KCNH5: variants seen among roughly 807,000 people sequenced by gnomAD.
KCNH5 encodes the protein voltage-gated delayed rectifier potassium channel KCNH5.
KCNH5 carries 46 observed loss-of-function variants against 96.1 expected under a neutral mutation model. That is an observed-to-expected ratio of 0.48 (90% CI 0.38 to 0.61). The LOEUF is 0.61. Among genes scored for constraint, KCNH5 ranks in the 20% least tolerant of loss-of-function variants. The probability of loss-of-function intolerance (pLI) is 0.00; values close to 1 mark genes in which losing one functional copy is unlikely to be tolerated. For synonymous variants in KCNH5, 439 were observed against 449.8 expected (o/e 0.98, Z 0.30); for missense variants, 907 against 1,225.8 (o/e 0.74, Z 3.88).
Position 62,794,494 on chromosome 14 carries a change from G to A in KCNH5, c.1822+7835C>T, listed in dbSNP as rs182086008. Among the ~76,000 whole-genome samples the A allele has an allele frequency of 2.1e-3, 319 of 151,810 alleles. 2 individuals are homozygous for A. Among genetic ancestry groups the A allele is most frequent in the Non-Finnish European group, 3.2e-3 (216 of 67,878 alleles). ...TTACTTACTAGCTGTGACCCAGGGA[G>A]AACCACTTGATATTACAGAGTTTCA... On this transcript the variant is annotated intron_variant, in intron 9 of 10. Transcript: ENST00000322893.
chr14:62,811,651 T>C (rs1397078959), intron 8 of KCNH5, among the ~76,000 whole-genome samples: 2 of 152,140 alleles, frequency 1.3e-5, no homozygotes, highest in Non-Finnish European at 2.9e-5. Context: ...TAACCAGAAA[T>C]AGTAACACAG....
At chr14:62,773,615 TATAGAAACAGCAA>T (rs1886035979) in intron 10 of KCNH5, among the ~76,000 whole-genome samples, 1 of 152,210 alleles carries the variant, frequency 6.6e-6, no homozygotes, top group Non-Finnish European at 1.5e-5. Context: ...TGAGAAGACG[TATAGAAACAGCAA>T]ATAAAATTCC....
chr14:62,926,669 G>A (rs1348643394), intron 7 of KCNH5, among the ~76,000 whole-genome samples: 2 of 152,104 alleles, frequency 1.3e-5, no homozygotes, highest in South Asian at 4.1e-4. Flanking sequence ...TCTTCATATG[G>A]TGGAAGAGAG....
chr14:62,824,632 A>G (rs1887182976), intron 8 of KCNH5, among the ~76,000 whole-genome samples: 1 of 151,994 alleles, frequency 6.6e-6, no homozygotes, highest in African/African-American at 2.4e-5. Context: ...TTCTACTTTT[A>G]TTTTACATTC....
chr14:62,843,280 T>C (rs1887622417), intron 8 of KCNH5, among the ~76,000 whole-genome samples: 2 of 152,190 alleles, frequency 1.3e-5, no homozygotes, highest in Admixed American at 1.3e-4. Flanking sequence ...ACACAATCTA[T>C]GATCTGATTA....
intron 1 of KCNH5, among the ~76,000 whole-genome samples, chr14:63,037,145 T>C (rs1242118361): frequency 6.6e-6 from 1 of 152,188 alleles, no homozygotes; most frequent in Non-Finnish European, 1.5e-5. Flanking sequence ...TACTTACATG[T>C]ACTGCCTAAC....
At chr14:62,877,889 T>C (rs1427551112) in intron 7 of KCNH5, among the ~76,000 whole-genome samples, 3 of 151,836 alleles carry the variant, frequency 2.0e-5, no homozygotes, top group East Asian at 3.9e-4. Flanking sequence ...TAAAGACACA[T>C]GCACACGTAT....
At chr14:62,721,807 A>G (rs1390015321) in intron 10 of KCNH5, among the ~76,000 whole-genome samples, 1 of 152,194 alleles carries the variant, frequency 6.6e-6, no homozygotes, top group African/African-American at 2.4e-5. Flanking sequence ...CCCTTTTCCA[A>G]TAGAGCTATA....
intron 6 of KCNH5, among the ~76,000 whole-genome samples, chr14:62,959,570 A>T (rs189952639): frequency 2.0e-5 from 3 of 152,066 alleles, no homozygotes; most frequent in Admixed American, 1.3e-4. Flanking sequence ...TTGAAGTCAA[A>T]TTTATTTATA....
At chr14:62,893,268 G>A (rs1020368414) in intron 7 of KCNH5, among the ~76,000 whole-genome samples, 1 of 152,182 alleles carries the variant, frequency 6.6e-6, no homozygotes, top group Non-Finnish European at 1.5e-5. Context: ...GGGAGTAACT[G>A]CAGATGTGGT....
At chr14:62,756,250 T>G (rs892956130) in intron 10 of KCNH5, among the ~76,000 whole-genome samples, 1 of 151,994 alleles carries the variant, frequency 6.6e-6, no homozygotes, top group African/African-American at 2.4e-5. Context: ...TAGAGAATAA[T>G]AAGATCACTA....
chr14:62,893,349 C>T (rs963901262), intron 7 of KCNH5, among the ~76,000 whole-genome samples: 9 of 152,198 alleles, frequency 5.9e-5, no homozygotes, highest in Admixed American at 2.0e-4. Context: ...ATAAAACTAA[C>T]TAACAAGGAG....
Position 62,984,145 on chromosome 14 carries a change from G to C in KCNH5, c.550-2881C>G, listed in dbSNP as rs144196500. 1.7e-3 allele frequency among the ~76,000 whole-genome samples: 265 copies of C among 152,210 alleles called. 1 individual carries two copies. Among genetic ancestry groups the C allele is most frequent in the African/African-American group, 6.1e-3 (252 of 41,538 alleles). On this transcript the variant is annotated intron_variant, in intron 5 of 10. Transcript: ENST00000322893. The stretch of plus-strand genomic sequence containing the variant: ...TCATTTGTGCTTCTATAAGCAATAA[G>C]CCTTTGGTGGAAGGAGGATGAAATC...
chr14:63,040,486 G>A (rs1042491017), intron 1 of KCNH5, among the ~76,000 whole-genome samples: 2 of 152,096 alleles, frequency 1.3e-5, no homozygotes, highest in African/African-American at 4.8e-5. Flanking sequence ...AAATGTTAAA[G>A]TGGTACATTA....
intron 6 of KCNH5, among the ~76,000 whole-genome samples, chr14:62,970,142 A>G (rs1219954518): frequency 1.3e-5 from 2 of 151,880 alleles, no homozygotes; most frequent in Non-Finnish European, 2.9e-5. Flanking sequence ...TAATATTAGA[A>G]ATAAAAGAGG....
chr14:62,718,334 AATAT>A, intron 10 of KCNH5, among the ~76,000 whole-genome samples: 1 of 152,248 alleles, frequency 6.6e-6, no homozygotes, highest in East Asian at 1.9e-4. Context: ...TAGTATCCAG[AATAT>A]ATAAAGAGCT....
chr14:62,753,951 A>G (rs1446081980), intron 10 of KCNH5, among the ~76,000 whole-genome samples: 1 of 152,214 alleles, frequency 6.6e-6, no homozygotes, highest in Non-Finnish European at 1.5e-5. Context: ...ATAGAATATA[A>G]TAACATTGCA....
At chr14:62,769,944 C>T (rs1005654476) in intron 10 of KCNH5, among the ~76,000 whole-genome samples, 11 of 152,212 alleles carry the variant, frequency 7.2e-5, no homozygotes, top group East Asian at 3.9e-4. Flanking sequence ...ATAGATACTA[C>T]GTACTATTTG....
At chr14:63,045,083 T>C in intron 1 of KCNH5, 31 bp downstream of exon 1, 1 of 1,554,598 alleles carries the variant, frequency 6.4e-7, no homozygotes, top group South Asian at 1.1e-5. Flanking sequence ...GGGATGGAGG[T>C]GGGGGTGTTC....
Sources: allele counts gnomAD v4.1 joint callset (sites outside exome capture counted in the v4.1 genomes callset), GRCh38; gene constraint gnomAD v4.1.1; transcripts MANE v1.5; gene names NCBI Gene and HGNC (gene_info 2026-07-23, HGNC 2026-07-21).